Variants in ABCA13 observed in about 807,000 individuals in gnomAD.
ABCA13 encodes ATP-binding cassette sub-family A member 13.
In ABCA13, 476 loss-of-function variants were observed where a neutral mutation model predicts 478.7. The observed-to-expected ratio is 0.99, with a 90% CI of 0.92 to 1.07. The LOEUF (loss-of-function observed/expected upper bound fraction) is 1.07, where lower values mean the gene tolerates loss of function less well. Among genes scored for constraint, ABCA13 ranks in the 50% least tolerant of loss-of-function variants. The probability of loss-of-function intolerance (pLI) is 0.00; values close to 1 mark genes in which losing one functional copy is unlikely to be tolerated. For missense variants in ABCA13, 6,060 were observed against 5,910.6 expected, an observed-to-expected ratio of 1.03 and a Z score of -0.83; for synonymous variants, 2,252 against 2,158.9, an observed-to-expected ratio of 1.04 and a Z score of -1.20.
At chr7:48,455,860 A>G (rs906180009) in intron 43 of ABCA13, among the ~76,000 whole-genome samples, 2 of 152,226 alleles carry the variant, frequency 1.3e-5, no homozygotes, top group Admixed American at 1.3e-4. Context: ...AAATGAATTT[A>G]CGCAAGAACT....
At position 48,387,831 on chromosome 7, in the gene ABCA13, G is replaced by C; in HGVS notation, c.11345G>C (p.Gly3782Ala). 1 of 1,577,342 alleles carries C rather than the reference G, an allele frequency of 6.3e-7. No individual in the cohort carries two copies. The highest frequency in any genetic ancestry group is 1.2e-5 in the South Asian group (1 of 83,974). Residue 3782 changes from glycine to alanine, a missense_variant, in exon 36 of 62, where the codon GGT (glycine) becomes GCT (alanine). Coordinates refer to ENST00000435803, the MANE Select transcript of ABCA13 (RefSeq NM_152701.5). ...TTGTTTCATTTTTTAGGAACATTTG[G>C]TTTACGGAAACCATGGTATTTCCCC... ...YLSNLIPGTF[G>A]LRKPWYFPFT... is the part of the protein sequence containing the mutation.
At chr7:48,360,847 T>G (rs1038577880) in intron 31 of ABCA13, among the ~76,000 whole-genome samples, 1 of 151,828 alleles carries the variant, frequency 6.6e-6, no homozygotes, top group African/African-American at 2.4e-5. Context: ...AGTCCTGCCT[T>G]GAGGAAGCTT....
In ABCA13 at chr7:48,578,575, T is replaced by C. The variant is rs1366458598; in HGVS notation, c.14355-1649T>C. ...ATAGAAAAAGCTCTAAATAAATAGATATTCCATGTTTTGGGGTAGAAAAAC... is the reference window on the plus strand; with the variant it reads ...ATAGAAAAAGCTCTAAATAAATAGACATTCCATGTTTTGGGGTAGAAAAAC... On this transcript the variant is annotated intron_variant, in intron 55 of 61. Transcript: ENST00000435803. Among the ~76,000 whole-genome samples the C allele has an allele frequency of 2.6e-5, 4 of 152,178 alleles. No individual in the cohort carries two copies. In the South Asian group the frequency reaches 8.3e-4, roughly 32 times the overall value.
intron 48 of ABCA13, among the ~76,000 whole-genome samples, chr7:48,503,390 T>G (rs1830927053): frequency 6.6e-6 from 1 of 152,228 alleles, no homozygotes; most frequent in African/African-American, 2.4e-5. Flanking sequence ...ATGCCCAGGC[T>G]TTATTTATCT....
At chr7:48,464,287 T>A (rs919340601) in intron 43 of ABCA13, among the ~76,000 whole-genome samples, 1 of 152,230 alleles carries the variant, frequency 6.6e-6, no homozygotes, top group Non-Finnish European at 1.5e-5. Context: ...TTTCCTAATT[T>A]GTTAGAAACC....
rs552986983 is a variant in ABCA13, at chr7:48,384,695, A to C, written c.11336-3127A>C. On this transcript the variant is annotated intron_variant, in intron 35 of 61. Coordinates refer to ENST00000435803, the MANE Select transcript of ABCA13 (RefSeq NM_152701.5). Reference sequence around the variant, plus strand: ...AGGTTCTTGGAGGACACCTGCCTGCATTAATTTTCTCAGCCTGCCATAACA... The same window carrying C: ...AGGTTCTTGGAGGACACCTGCCTGCCTTAATTTTCTCAGCCTGCCATAACA... Among the ~76,000 whole-genome samples, 7 of 152,298 alleles carry C rather than the reference A, an allele frequency of 4.6e-5. No homozygotes were observed. In the South Asian group the frequency reaches 1.2e-3, roughly 27 times the overall value.
chr7:48,346,430 T>A (rs1808114102), intron 29 of ABCA13, among the ~76,000 whole-genome samples: 1 of 151,842 alleles, frequency 6.6e-6, no homozygotes, highest in Admixed American at 6.6e-5. Flanking sequence ...TAACAAATGG[T>A]CAGCAACACA....
At chr7:48,534,908 T>C (rs552296947) in intron 55 of ABCA13, among the ~76,000 whole-genome samples, 15 of 152,262 alleles carry the variant, frequency 9.9e-5, no homozygotes, top group Admixed American at 3.3e-4. Flanking sequence ...TTTCCTTCCA[T>C]GTCCTGTATT....
intron 55 of ABCA13, among the ~76,000 whole-genome samples, chr7:48,547,577 G>C (rs1047622947): frequency 6.6e-6 from 1 of 151,824 alleles, no homozygotes; most frequent in African/African-American, 2.4e-5. Flanking sequence ...ATGTGCAGAG[G>C]TGTTCTTAAT....
At chr7:48,268,530 C>T (rs923773008) in intron 15 of ABCA13, among the ~76,000 whole-genome samples, 1 of 152,170 alleles carries the variant, frequency 6.6e-6, no homozygotes, top group Non-Finnish European at 1.5e-5. Flanking sequence ...TTGATTATTA[C>T]TCATCTGAAT....
At chr7:48,434,011 C>A (rs2129148584) in intron 42 of ABCA13, among the ~76,000 whole-genome samples, 1 of 151,934 alleles carries the variant, frequency 6.6e-6, no homozygotes, top group South Asian at 2.1e-4. Context: ...AAGCCCCCTG[C>A]TTTTACTTTT....
chr7:48,527,369 C>T (rs1247081156), intron 54 of ABCA13, among the ~76,000 whole-genome samples: 1 of 152,022 alleles, frequency 6.6e-6, no homozygotes, highest in Non-Finnish European at 1.5e-5. Context: ...GCAGAAAATC[C>T]AGAAGCAGTC....
intron 15 of ABCA13, among the ~76,000 whole-genome samples, chr7:48,267,540 A>G (rs569904950): frequency 1.3e-5 from 2 of 152,132 alleles, no homozygotes; most frequent in Non-Finnish European, 2.9e-5. Context: ...TACAAGTAGC[A>G]TACAATTGGA....
At chr7:48,471,496 A>G in intron 44 of ABCA13, 34 bp from the exon 45 acceptor site, 1 of 1,527,734 alleles carries the variant, frequency 6.5e-7, no homozygotes, top group South Asian at 1.2e-5. Context: ...TGTAAATCTA[A>G]AAGATCATTC....
At position 48,517,012 on chromosome 7, in the gene ABCA13, C is replaced by T. The variant is rs375097236; in HGVS notation, c.13797+131C>T. 2.2e-4 allele frequency: 221 copies of T among 1,018,268 alleles called. 2 individuals are homozygous for T. In the East Asian group the frequency reaches 2.9e-3, roughly 13 times the overall value. The allele number at this position is 1,018,268 out of a possible 1,614,324, so 63.1% of individuals were successfully genotyped here. ...TGCATTGGTATCCACTGTCTTTAAA[C>T]TCCAGAGAGATAAATGGATTCTAAT... On this transcript the variant is annotated intron_variant, in intron 52 of 61. Coordinates refer to ENST00000435803, the MANE Select transcript of ABCA13 (RefSeq NM_152701.5).
At chr7:48,644,589 CTTTTT>C (rs71006572) in intron 60 of ABCA13, 23 bp from the exon 61 acceptor site, 8,435 of 1,393,880 alleles carry the variant, frequency 6.1e-3, no homozygotes, top group South Asian at 0.012. Context: ...TTATATGATA[CTTTTT>C]TTTTTTTTTT....
At chr7:48,333,737 G>T (rs1805777936) in intron 27 of ABCA13, among the ~76,000 whole-genome samples, 1 of 152,194 alleles carries the variant, frequency 6.6e-6, no homozygotes, top group Non-Finnish European at 1.5e-5. Flanking sequence ...CTCCAGTCCA[G>T]CTGCCTCCAT....
At chr7:48,484,571 C>G (rs1035389636) in intron 47 of ABCA13, among the ~76,000 whole-genome samples, 4 of 152,170 alleles carry the variant, frequency 2.6e-5, no homozygotes, top group Admixed American at 2.0e-4. Flanking sequence ...ATGGTTGTGT[C>G]TTTGCTTTGA....
chr7:48,252,236 T>C (rs1200448359), intron 15 of ABCA13, among the ~76,000 whole-genome samples: 1 of 152,140 alleles, frequency 6.6e-6, no homozygotes, highest in East Asian at 1.9e-4. Context: ...TTGTTTCACA[T>C]GGCCCATCTT....
Sources: gnomAD v4.1 joint callset for allele counts (sites outside exome capture counted in the v4.1 genomes callset) on GRCh38, gnomAD v4.1.1 for gene constraint, MANE v1.5 for transcripts, NCBI Gene and HGNC (gene_info 2026-07-23, HGNC 2026-07-21) for gene names.